Variants in KCNMB2 observed in about 807,000 individuals in gnomAD.
KCNMB2 encodes calcium-activated potassium channel subunit beta-2.
In KCNMB2, 9 loss-of-function variants were observed where a neutral mutation model predicts 24.5. The observed-to-expected ratio is 0.37, with a 90% CI of 0.22 to 0.64. The LOEUF (loss-of-function observed/expected upper bound fraction) is 0.64. Among genes scored for constraint, KCNMB2 ranks in the 30% least tolerant of loss-of-function variants. The probability of loss-of-function intolerance (pLI) is 0.63; values close to 1 mark genes in which losing one functional copy is unlikely to be tolerated. For synonymous variants in KCNMB2, 109 were observed against 104.4 expected (o/e 1.04, Z -0.27); for missense variants, 226 against 284.3 (o/e 0.79, Z 1.47).
At chr3:178,690,683 T>C (rs1266944560) in intron 1 of KCNMB2, among the ~76,000 whole-genome samples, 2 of 152,200 alleles carry the variant, frequency 1.3e-5, no homozygotes, top group African/African-American at 2.4e-5. Context: ...TGCAAAGTCA[T>C]TAATAACAAA....
At chr3:178,726,261 C>T (rs1179622522) in intron 1 of KCNMB2, among the ~76,000 whole-genome samples, 1 of 151,920 alleles carries the variant, frequency 6.6e-6, no homozygotes, top group Non-Finnish European at 1.5e-5. Flanking sequence ...GACATCTGCA[C>T]ATACTGAAAA....
At chr3:178,562,513 A>G (rs1716360673) in intron 1 of KCNMB2, among the ~76,000 whole-genome samples, 1 of 152,228 alleles carries the variant, frequency 6.6e-6, no homozygotes, top group Non-Finnish European at 1.5e-5. Context: ...CTTGGAGGGA[A>G]ATGCTGTGTT....
chr3:178,681,652 A>G (rs1365852990), intron 1 of KCNMB2, among the ~76,000 whole-genome samples: 7 of 152,226 alleles, frequency 4.6e-5, no homozygotes, highest in African/African-American at 1.7e-4. Context: ...CTAGTTATCC[A>G]AAGGTCCTTA....
At chr3:178,818,776 T>C (rs28733874) in intron 2 of KCNMB2, among the ~76,000 whole-genome samples, 40,037 of 152,026 alleles carry the variant, frequency 0.26, 7,081 homozygotes, top group African/African-American at 0.51. Flanking sequence ...CTTAATTCTT[T>C]TAATGCCCCC....
intron 1 of KCNMB2, among the ~76,000 whole-genome samples, chr3:178,630,731 A>G (rs1404425924): frequency 6.6e-6 from 1 of 152,188 alleles, no homozygotes; most frequent in Non-Finnish European, 1.5e-5. Context: ...TTTTTCCAAG[A>G]TACATAGATG....
chr3:178,599,019 A>C (rs1014057128), intron 1 of KCNMB2, among the ~76,000 whole-genome samples: 10 of 152,270 alleles, frequency 6.6e-5, no homozygotes, highest in Admixed American at 3.3e-4. Context: ...GGAGTTATGC[A>C]GAGGATGTTT....
chr3:178,623,600 A>T (rs1718998380), intron 1 of KCNMB2, among the ~76,000 whole-genome samples: 1 of 152,208 alleles, frequency 6.6e-6, no homozygotes, highest in Non-Finnish European at 1.5e-5. Flanking sequence ...TTAAATAATA[A>T]AATAAAATAA....
At chr3:178,646,163 T>C (rs760756312) in intron 1 of KCNMB2, among the ~76,000 whole-genome samples, 1 of 152,132 alleles carries the variant, frequency 6.6e-6, no homozygotes, top group Non-Finnish European at 1.5e-5. Context: ...CCTGAGGCTA[T>C]CTGTGTCCCT....
intron 1 of KCNMB2, among the ~76,000 whole-genome samples, chr3:178,778,502 A>ACACACACACC (rs1361644496): frequency 7.1e-6 from 1 of 140,804 alleles, no homozygotes; most frequent in South Asian, 2.3e-4. Context: ...ACACACACAC[A>ACACACACACC]CCTGTTCCAG....
chr3:178,811,451 C>A (rs1168407525), intron 2 of KCNMB2, among the ~76,000 whole-genome samples: 50 of 152,244 alleles, frequency 3.3e-4, no homozygotes, highest in African/African-American at 1.0e-3. Context: ...TTGGAGACTT[C>A]ATGTAAATGG....
chr3:178,704,228 T>A (rs1722202520), intron 1 of KCNMB2, among the ~76,000 whole-genome samples: 1 of 152,090 alleles, frequency 6.6e-6, no homozygotes, highest in Non-Finnish European at 1.5e-5. Flanking sequence ...ACAAACATTT[T>A]CTGACAGTTC....
At chr3:178,639,116 ATT>A (rs1719632908) in intron 1 of KCNMB2, among the ~76,000 whole-genome samples, 1 of 152,088 alleles carries the variant, frequency 6.6e-6, no homozygotes, top group South Asian at 2.1e-4. Flanking sequence ...ATCTTCAAAT[ATT>A]GTTTGCTGCT....
At chr3:178,689,695 C>T (rs1467838412) in intron 1 of KCNMB2, among the ~76,000 whole-genome samples, 1 of 152,174 alleles carries the variant, frequency 6.6e-6, no homozygotes, top group African/African-American at 2.4e-5. Flanking sequence ...CACCCAAATA[C>T]TCTGGAAAAT....
chr3:178,818,487 A>T (rs1028984442), intron 2 of KCNMB2, among the ~76,000 whole-genome samples: 4 of 152,054 alleles, frequency 2.6e-5, no homozygotes, highest in African/African-American at 9.7e-5. Flanking sequence ...ACGTGTTCTC[A>T]TTGCTCAGCT....
At chr3:178,757,659 TATATGTATATATATCC>T (rs1318783615) in intron 1 of KCNMB2, among the ~76,000 whole-genome samples, 2 of 47,744 alleles carry the variant, frequency 4.2e-5, no homozygotes, top group African/African-American at 1.9e-4. Context: ...AGGATATATA[TATATGTATATATATCC>T]AAGAGGATAT....
intron 1 of KCNMB2, among the ~76,000 whole-genome samples, chr3:178,710,651 C>T (rs979781564): frequency 2.6e-5 from 4 of 151,844 alleles, no homozygotes; most frequent in African/African-American, 7.3e-5. Flanking sequence ...AGTGTGTGTG[C>T]GTGTCTCTGT....
intron 1 of KCNMB2, among the ~76,000 whole-genome samples, chr3:178,761,666 C>T (rs1233988141): frequency 2.6e-5 from 4 of 152,108 alleles, no homozygotes; most frequent in African/African-American, 9.7e-5. Flanking sequence ...GTAAAAGAGT[C>T]CTTTATGTTC....
At chr3:178,779,968 GATTCTTTTCCT>G (rs970278726) in intron 1 of KCNMB2, among the ~76,000 whole-genome samples, 2 of 150,174 alleles carry the variant, frequency 1.3e-5, no homozygotes, top group Non-Finnish European at 3.0e-5. Flanking sequence ...ATAAATGATG[GATTCTTTTCCT>G]ATACTTACCA....
At chr3:178,728,710 T>C (rs1416017788) in intron 1 of KCNMB2, among the ~76,000 whole-genome samples, 1 of 152,152 alleles carries the variant, frequency 6.6e-6, no homozygotes, top group Non-Finnish European at 1.5e-5. Context: ...ACTACCTCCA[T>C]CCAGAGTTAC....
Sources: gnomAD v4.1 joint callset for allele counts (sites outside exome capture counted in the v4.1 genomes callset) on GRCh38, gnomAD v4.1.1 for gene constraint, MANE v1.5 for transcripts, NCBI Gene and HGNC (gene_info 2026-07-23, HGNC 2026-07-21) for gene names.